Variants in CPLANE1 observed in about 807,000 individuals in gnomAD.
The protein encoded by CPLANE1 is ciliogenesis and planar polarity effector complex subunit 1, also known as ciliogenesis and planar polarity effector 1.
A neutral mutation model predicts 362.5 loss-of-function variants in CPLANE1; 263 were observed. That is an observed-to-expected ratio of 0.73 (90% CI 0.66 to 0.80). CPLANE1 has a LOEUF of 0.80. Among genes scored for constraint, CPLANE1 ranks in the 30% least tolerant of loss-of-function variants. The pLI is 0.00. For missense variants in CPLANE1, 3,461 were observed against 3,793.4 expected (o/e 0.91, Z 2.30); for synonymous variants, 1,212 against 1,302.6 (o/e 0.93, Z 1.50).
At position 37,221,444 on chromosome 5, in the gene CPLANE1, G is replaced by C. The variant is rs1437781015; in HGVS notation, c.2626C>G (p.Leu876Val). Residue 876 changes from leucine (L) to valine (V), a missense_variant, in exon 15 of 53, where the codon CTC becomes GTC. Around this residue, in one of 2 missense-constraint regions of CPLANE1, gnomAD observed 3,380 missense variants for 3,666.1 expected, o/e 0.92. Coordinates refer to ENST00000651892, the MANE Select transcript of CPLANE1 (RefSeq NM_001384732.1). Reference sequence around the variant, plus strand: ...TAGCTATAGAGGTGGCAGTATAAGAGAGAAAGATAATAGCGTATCTGAAGA... The same window carrying C: ...TAGCTATAGAGGTGGCAGTATAAGACAGAAAGATAATAGCGTATCTGAAGA... Reference protein sequence around the residue: ...YFLQIRYYLSLLYCHLYSYNL... With the variant: ...YFLQIRYYLSVLYCHLYSYNL... 6.6e-7 allele frequency: 1 copy of C among 1,519,550 alleles called. No individual in the cohort carries two copies. Among genetic ancestry groups the C allele is most frequent in the South Asian group, 1.3e-5 (1 of 77,362 alleles). The allele number at this position is 1,519,550 out of a possible 1,614,324, so 94.1% of individuals were successfully genotyped here. A position where few individuals can be genotyped will look rare whatever the true frequency, so the allele number is the denominator to read the frequency against.
Position 37,170,473 on chromosome 5 carries a change from A to C in CPLANE1, c.6172-142T>G, listed in dbSNP as rs139622828. On this transcript the variant is annotated intron_variant, in intron 32 of 52. Coordinates refer to ENST00000651892, the MANE Select transcript of CPLANE1 (RefSeq NM_001384732.1). ...GAATCATGAATGCTGAGCAGGAGGC[A>C]GTCAGGGAAATTTTTTTTTTTTTTA... is the stretch of plus-strand genomic sequence containing the variant. The C allele has an allele frequency of 1.2e-5, 11 of 899,568 alleles. No individual in the cohort carries two copies. In the African/African-American group the frequency reaches 1.7e-4, roughly 14 times the overall value. The allele number at this position is 899,568 out of a possible 1,614,324, so 55.7% of individuals were successfully genotyped here. A position where few individuals can be genotyped will look rare whatever the true frequency, so the allele number is the denominator to read the frequency against.
At chr5:37,236,455 G>T (rs1186031402) in intron 8 of CPLANE1, among the ~76,000 whole-genome samples, 1 of 152,002 alleles carries the variant, frequency 6.6e-6, no homozygotes, top group African/African-American at 2.4e-5. Context: ...TAAACATAAG[G>T]CCTGAAACTA....
chr5:37,124,568 G>A (rs577609569), intron 47 of CPLANE1, among the ~76,000 whole-genome samples: 2 of 151,972 alleles, frequency 1.3e-5, no homozygotes, highest in South Asian at 4.2e-4. Flanking sequence ...TGCTTTATTT[G>A]TAGACACAGG....
Position 37,107,123 on chromosome 5 carries a change from T to C in CPLANE1, c.*479A>G. On this transcript the variant is annotated 3_prime_UTR_variant, in exon 53 of 53. Transcript: ENST00000651892. ...AAAGGTAGTTGGTTTTTCTTTTCACTCCTAGGCTAAACCCTGCATAGGTGT... is the reference window on the plus strand; with the variant it reads ...AAAGGTAGTTGGTTTTTCTTTTCACCCCTAGGCTAAACCCTGCATAGGTGT... 1 of 985,500 alleles carries C rather than the reference T, an allele frequency of 1.0e-6. No homozygotes were observed. The highest frequency in any genetic ancestry group is 1.2e-6 in the Non-Finnish European group (1 of 829,976). The allele number at this position is 985,500 out of a possible 1,614,324, so 61.0% of individuals were successfully genotyped here.
the CPLANE1 span, among the ~76,000 whole-genome samples, chr5:37,099,960 G>T: frequency 2.0e-4 from 31 of 151,822 alleles, no homozygotes; most frequent in Non-Finnish European, 3.5e-4. Context: ...TTTTAATGGG[G>T]TTTTTTTTCT....
rs2151089032 is a variant in CPLANE1, at chr5:37,179,358, T to G, written c.5820+3A>C. On this transcript the variant is annotated splice_donor_region_variant and intron_variant, in intron 29 of 52. Coordinates refer to ENST00000651892, the MANE Select transcript of CPLANE1 (RefSeq NM_001384732.1). ...TAATTATATCCACTATTTATTGACT[T>G]ACTTCTTCTAACTGCTGTGGTAAAG... 1.3e-6 allele frequency: 2 copies of G among 1,580,542 alleles called. No homozygotes were observed. Among genetic ancestry groups the G allele is most frequent in the Non-Finnish European group, 8.7e-7 (1 of 1,153,388 alleles).
At chr5:37,153,713 A>T in intron 42 of CPLANE1, 27 bp downstream of exon 42, 2 of 1,581,536 alleles carry the variant, frequency 1.3e-6, no homozygotes, top group Admixed American at 3.5e-5. Context: ...AGTAGCAAAC[A>T]AAAAACTAAA....
intron 38 of CPLANE1, among the ~76,000 whole-genome samples, chr5:37,161,104 T>C (rs562679469): frequency 1.7e-3 from 256 of 152,328 alleles, no homozygotes; most frequent in African/African-American, 5.6e-3. Context: ...AACTGGAAAC[T>C]GTCTAATGTA....
At position 37,182,840 on chromosome 5, in the gene CPLANE1, T is replaced by C. The variant is rs758218745; in HGVS notation, c.5341A>G (p.Thr1781Ala). Residue 1781 changes from threonine (T) to alanine (A), a missense_variant, in exon 26 of 53, where the codon ACA (threonine) becomes GCA (alanine). Transcript: ENST00000651892. ...YSPVIRVKTS[T>A]AAILTSLWLL... ...CATAATGATGTAAGAATGGCAGCTGTAGAGGTCTTTACACGAATTACTGGA... is the reference window on the plus strand; with the variant it reads ...CATAATGATGTAAGAATGGCAGCTGCAGAGGTCTTTACACGAATTACTGGA... 17 of 1,613,612 alleles carry C rather than the reference T, an allele frequency of 1.1e-5. No homozygotes were observed. Among genetic ancestry groups the C allele is most frequent in the African/African-American group, 1.3e-5 (1 of 75,038 alleles).
chr5:37,204,522 C>T (rs923818557), intron 18 of CPLANE1, among the ~76,000 whole-genome samples: 8 of 151,944 alleles, frequency 5.3e-5, no homozygotes, highest in Non-Finnish European at 8.8e-5. Flanking sequence ...TAAAAAAGAT[C>T]TATAATTTAT....
intron 24 of CPLANE1, 89 bp from the exon 25 acceptor site, chr5:37,185,168 C>G: frequency 8.5e-7 from 1 of 1,172,016 alleles, no homozygotes; most frequent in Non-Finnish European, 1.2e-6. Flanking sequence ...CTCCTGGGGA[C>G]AAGAAACCTA....
At chr5:37,103,774 G>A (rs1757410850), downstream of CPLANE1, among the ~76,000 whole-genome samples, 1 of 151,982 alleles carries the variant, frequency 6.6e-6, no homozygotes, top group Non-Finnish European at 1.5e-5. Context: ...TAGGTGACCT[G>A]GCCTCTCTGG....
chr5:37,193,299 T>C (rs990551198), intron 21 of CPLANE1, among the ~76,000 whole-genome samples: 6 of 152,300 alleles, frequency 3.9e-5, no homozygotes, highest in African/African-American at 1.4e-4. Flanking sequence ...TGAGAGGTAC[T>C]CGAGTGCTTA....
intron 42 of CPLANE1, among the ~76,000 whole-genome samples, chr5:37,152,429 T>A (rs114606840): frequency 1.4e-3 from 219 of 152,284 alleles, no homozygotes; most frequent in Non-Finnish European, 2.7e-3. Flanking sequence ...CATGGTCTCA[T>A]TTAACCTATT....
At chr5:37,076,861 G>A in the CPLANE1 span, among the ~76,000 whole-genome samples, 87 of 148,432 alleles carry the variant, frequency 5.9e-4, no homozygotes, top group South Asian at 0.01. Flanking sequence ...TAGTTTTAGG[G>A]AAAGATGATA....
chr5:37,209,522 G>C lies in CPLANE1; in HGVS notation c.2921-3097C>G. The C allele has an allele frequency of 7.8e-7, 1 of 1,286,608 alleles. No individual in the cohort carries two copies. The highest frequency in any genetic ancestry group is 1.7e-5 in the Admixed American group (1 of 59,306). The allele number at this position is 1,286,608 out of a possible 1,614,324, so 79.7% of individuals were successfully genotyped here. A position where few individuals can be genotyped will look rare whatever the true frequency, so the allele number is the denominator to read the frequency against. ...TTCATGAGTTAATGCACCCTGTATT[G>C]AGTGGAGAACTGCAACCTCAGTCCA... On this transcript the variant is annotated intron_variant, in intron 16 of 52. Transcript: ENST00000651892. This position sits in a 1 kb window ranked among gnomAD's most constrained non-coding sequence, Gnocchi z 4.6.
chr5:37,169,081 C>T lies in CPLANE1; in HGVS notation c.6943G>A (p.Val2315Met). 6.2e-6 allele frequency: 10 copies of T among 1,614,214 alleles called. No individual in the cohort carries two copies. The highest frequency in any genetic ancestry group is 1.6e-4 in the Middle Eastern group (1 of 6,062). ...TGTCCAACATATTGATCCAAGTTCA[C>T]ATGATTAGGAATTTCTGTAATTACA... is the stretch of plus-strand genomic sequence containing the variant. ...ETVITEIPNH[V>M]NLDQYVGQEN... The change falls in exon 34 of 53, where the codon GTG becomes ATG. Residue 2315 changes from valine to methionine, a missense_variant. Transcript: ENST00000651892.
At chr5:37,092,214 G>A in the CPLANE1 span, among the ~76,000 whole-genome samples, 1 of 152,128 alleles carries the variant, frequency 6.6e-6, no homozygotes, top group African/African-American at 2.4e-5. Flanking sequence ...CCCCAGTGGG[G>A]TCCCTCAGTA....
intron 46 of CPLANE1, among the ~76,000 whole-genome samples, chr5:37,132,204 T>C (rs2150248336): frequency 6.6e-6 from 1 of 152,232 alleles, no homozygotes; most frequent in East Asian, 1.9e-4. Context: ...AGAAAAATAT[T>C]GTTACCAGAA....
Sources: gnomAD v4.1 joint callset for allele counts (sites outside exome capture counted in the v4.1 genomes callset) on GRCh38, gnomAD v4.1.1 for gene constraint, gnomAD v4.1.1 regional missense constraint, Gnocchi (gnomAD v3.1) non-coding constraint, MANE v1.5 for transcripts, NCBI Gene and HGNC (gene_info 2026-07-23, HGNC 2026-07-21) for gene names.